STIM1: variants seen among roughly 807,000 people sequenced by gnomAD.
STIM1 encodes stromal interaction molecule 1.
STIM1 carries 25 observed loss-of-function variants against 74.7 expected under a neutral mutation model. The ratio of observed to expected loss-of-function variants is 0.33; its 90% CI spans 0.24 to 0.47. The LOEUF is 0.47. STIM1 is among the 20% of genes least tolerant of loss of function. The pLI, the probability that STIM1 is intolerant of heterozygous loss-of-function variation, is 1.00. For synonymous variants in STIM1, 328 were observed against 348.8 expected (o/e 0.94, Z 0.66); for missense variants, 728 against 920.8 (o/e 0.79, Z 2.71).
At chr11:4,055,058 G>A (rs1365884296) in intron 3 of STIM1, among the ~76,000 whole-genome samples, 4 of 152,156 alleles carry the variant, frequency 2.6e-5, no homozygotes, top group Non-Finnish European at 4.4e-5. Context: ...ATAGCTGGAC[G>A]AATGGATGGA....
chr11:4,090,076 G>A (rs919344900), intron 12 of STIM1, among the ~76,000 whole-genome samples: 5 of 152,136 alleles, frequency 3.3e-5, no homozygotes, highest in African/African-American at 1.2e-4. Context: ...CCAGTGTGCG[G>A]TGGCATGTCT....
chr11:3,953,974 A>T (rs1238440433), intron 1 of STIM1, among the ~76,000 whole-genome samples: 1 of 151,670 alleles, frequency 6.6e-6, no homozygotes, highest in Non-Finnish European at 1.5e-5. Flanking sequence ...ACAGAGATGG[A>T]GTTTCCCTAT....
At chr11:4,042,273 T>G (rs1415585852) in intron 3 of STIM1, among the ~76,000 whole-genome samples, 1 of 152,222 alleles carries the variant, frequency 6.6e-6, no homozygotes, top group African/African-American at 2.4e-5. Context: ...CCTCATACCT[T>G]TTATTTCATT....
chr11:3,941,673 T>TATATGGAGAGAG (rs141623520), intron 1 of STIM1, among the ~76,000 whole-genome samples: 1 of 90,730 alleles, frequency 1.1e-5, no homozygotes, highest in Non-Finnish European at 2.3e-5. Flanking sequence ...TATATATATA[T>TATATGGAGAGAG]AGAGAGAGAG....
chr11:3,987,268 C>T (rs1590624768), intron 2 of STIM1, among the ~76,000 whole-genome samples: 1 of 152,178 alleles, frequency 6.6e-6, no homozygotes, highest in Non-Finnish European at 1.5e-5. Flanking sequence ...TCCTTTTCTC[C>T]ACATTGTAAC....
intron 1 of STIM1, among the ~76,000 whole-genome samples, chr11:3,961,701 G>C (rs113618957): frequency 0.014 from 2,113 of 151,884 alleles, 52 homozygotes; most frequent in African/African-American, 0.049. Context: ...GTAGAGATGG[G>C]GTTTCTCCAT....
At chr11:3,924,137 ATTT>A (rs201521624) in intron 1 of STIM1, among the ~76,000 whole-genome samples, 1 of 138,664 alleles carries the variant, frequency 7.2e-6, no homozygotes, top group Admixed American at 7.1e-5. Flanking sequence ...CTTTAAAATT[ATTT>A]TTTTTTTTCT....
At position 4,040,844 on chromosome 11, in the gene STIM1, T is replaced by C. The variant is rs571720846; in HGVS notation, c.386-14682T>C. Reference sequence around the variant, plus strand: ...TGGTGGTCTTTAATAGCATGTCCTGTTGGGCCCTGGGAGACCTGGTTTTTG... The same window carrying C: ...TGGTGGTCTTTAATAGCATGTCCTGCTGGGCCCTGGGAGACCTGGTTTTTG... On this transcript the variant is annotated intron_variant, in intron 3 of 12. Transcript: ENST00000526596. 2.0e-5 allele frequency among the ~76,000 whole-genome samples: 3 copies of C among 152,366 alleles called. No individual in the cohort carries two copies. The South Asian group carries it at 6.2e-4, about 32-fold the overall frequency.
At chr11:4,019,098 G>T in intron 2 of STIM1, 1 of 178,980 alleles carries the variant, frequency 5.6e-6, no homozygotes. Flanking sequence ...GAAGGATATA[G>T]GTTTCATTAA....
At chr11:3,993,129 G>A (rs1200204602) in intron 2 of STIM1, among the ~76,000 whole-genome samples, 1 of 150,392 alleles carries the variant, frequency 6.6e-6, no homozygotes, top group African/African-American at 2.4e-5. Flanking sequence ...TTTTTGTTTG[G>A]TGTGAAAGCC....
chr11:4,090,715 G>A (rs1158273350), intron 12 of STIM1, among the ~76,000 whole-genome samples: 1 of 152,218 alleles, frequency 6.6e-6, no homozygotes, highest in African/African-American at 2.4e-5. Context: ...TGTAGGTTCT[G>A]TGTTAGCTTG....
chr11:4,009,020 G>A (rs535959632), intron 2 of STIM1, among the ~76,000 whole-genome samples: 73 of 152,196 alleles, frequency 4.8e-4, no homozygotes, highest in African/African-American at 1.7e-3. Context: ...GGCTGGGTGC[G>A]GTGGCTCACG....
chr11:3,978,858 G>A (rs1347385277), intron 2 of STIM1, among the ~76,000 whole-genome samples: 3 of 152,136 alleles, frequency 2.0e-5, no homozygotes, highest in South Asian at 2.1e-4. Context: ...GAGGCTGTGA[G>A]AGTTCGGGAA....
chr11:4,043,482 A>G (rs751523790), intron 3 of STIM1, among the ~76,000 whole-genome samples: 9 of 152,176 alleles, frequency 5.9e-5, no homozygotes, highest in Non-Finnish European at 1.0e-4. Context: ...AACATAATAT[A>G]AATACTGATG....
At chr11:4,029,899 C>T (rs2094033958) in intron 3 of STIM1, among the ~76,000 whole-genome samples, 1 of 152,126 alleles carries the variant, frequency 6.6e-6, no homozygotes, top group South Asian at 2.1e-4. Context: ...AATAACTTCA[C>T]CCTTGTTTAT....
chr11:4,069,742 T>C (rs1467345560), intron 5 of STIM1, among the ~76,000 whole-genome samples: 1 of 152,262 alleles, frequency 6.6e-6, no homozygotes. Context: ...AAGGCACTAG[T>C]TCTCTCCTCT....
chr11:3,862,470 G>A (rs1344322587), intron 1 of STIM1, among the ~76,000 whole-genome samples: 1 of 152,136 alleles, frequency 6.6e-6, no homozygotes, highest in Non-Finnish European at 1.5e-5. Flanking sequence ...TAGAGGAGGG[G>A]AGTATTTATC....
chr11:4,082,688 C>T (rs948260798), intron 8 of STIM1, among the ~76,000 whole-genome samples, 194 bp from the exon 9 acceptor site: 5 of 152,194 alleles, frequency 3.3e-5, no homozygotes, highest in Admixed American at 1.3e-4. Context: ...CTTCTCCCCT[C>T]GCTTTCTCTA....
intron 2 of STIM1, among the ~76,000 whole-genome samples, chr11:4,002,996 G>A (rs1277641190): frequency 6.7e-6 from 1 of 150,060 alleles, no homozygotes; most frequent in African/African-American, 2.4e-5. Flanking sequence ...AGAAGAAATG[G>A]ATAAATTCCT....
Sources: allele counts gnomAD v4.1 joint callset (sites outside exome capture counted in the v4.1 genomes callset), GRCh38; gene constraint gnomAD v4.1.1; transcripts MANE v1.5; gene names NCBI Gene and HGNC (gene_info 2026-07-23, HGNC 2026-07-21).